Variants in EHBP1 observed in about 807,000 individuals in gnomAD.
EHBP1 encodes EH domain-binding protein 1.
EHBP1 carries 55 observed loss-of-function variants against 144.0 expected under a neutral mutation model. The ratio of observed to expected loss-of-function variants is 0.38; its 90% CI spans 0.31 to 0.48. EHBP1 has a LOEUF of 0.48. EHBP1 is among the 20% of genes least tolerant of loss of function. The pLI, the probability that EHBP1 is intolerant of heterozygous loss-of-function variation, is 0.98. For synonymous variants in EHBP1, 469 were observed against 472.7 expected, an observed-to-expected ratio of 0.99 and a Z score of 0.10; for missense variants, 1,200 against 1,364.2, an observed-to-expected ratio of 0.88 and a Z score of 1.90.
At chr2:62,726,714 A>G (rs2036827751) in intron 2 of EHBP1, 1 of 152,210 alleles carries the variant, frequency 6.6e-6, no homozygotes, top group Non-Finnish European at 1.5e-5. Flanking sequence ...ACTGTGAACA[A>G]TCGATTGAGA....
Position 62,990,708 on chromosome 2 carries a change from T to A in EHBP1, c.2609-8T>A. On this transcript the variant is annotated splice_polypyrimidine_tract_variant and splice_region_variant and intron_variant, in intron 15 of 22. Transcript: ENST00000431489. ...CTCAGTTATTCATGGTATTTGCATA[T>A]TTAACAGAACAAAACAGTAAGTTGG... 6.2e-7 allele frequency: 1 copy of A among 1,613,366 alleles called. No homozygotes were observed. The highest frequency in any genetic ancestry group is 1.1e-5 in the South Asian group (1 of 91,010).
At chr2:62,919,673 G>A (rs1043873938) in intron 10 of EHBP1, among the ~76,000 whole-genome samples, 1 of 151,968 alleles carries the variant, frequency 6.6e-6, no homozygotes, top group African/African-American at 2.4e-5. Flanking sequence ...AAACCAAGAG[G>A]AACTGTACCT....
intron 5 of EHBP1, among the ~76,000 whole-genome samples, chr2:62,823,680 C>T (rs186206609): frequency 6.6e-6 from 1 of 152,134 alleles, no homozygotes; most frequent in East Asian, 1.9e-4. Context: ...CCCATATTTT[C>T]CCTCATTACT....
chr2:62,906,008 TAAAA>T (rs57935133), intron 10 of EHBP1, among the ~76,000 whole-genome samples: 2 of 151,538 alleles, frequency 1.3e-5, no homozygotes, highest in African/African-American at 4.8e-5. Flanking sequence ...ACGTTGTATA[TAAAA>T]AAAAACTTTC....
intron 10 of EHBP1, among the ~76,000 whole-genome samples, chr2:62,879,290 G>C (rs2051162002): frequency 6.6e-6 from 1 of 152,048 alleles, no homozygotes; most frequent in Non-Finnish European, 1.5e-5. Context: ...GTCCTAGCCA[G>C]AGCATTCACA....
chr2:63,029,676 A>G (rs541356481), intron 19 of EHBP1, among the ~76,000 whole-genome samples: 1 of 152,246 alleles, frequency 6.6e-6, no homozygotes, highest in East Asian at 1.9e-4. Flanking sequence ...GAGAGTTTCA[A>G]TAATTAGTCT....
chr2:62,937,574 C>G (rs2056462951), intron 10 of EHBP1, among the ~76,000 whole-genome samples: 1 of 152,120 alleles, frequency 6.6e-6, no homozygotes, highest in Non-Finnish European at 1.5e-5. Flanking sequence ...AAAGGGCTTC[C>G]TACTGAATGG....
At chr2:62,859,072 A>G in intron 7 of EHBP1, 97 bp from the exon 8 acceptor site, 3 of 1,177,718 alleles carry the variant, frequency 2.5e-6, no homozygotes, top group Non-Finnish European at 3.6e-6. Context: ...ATTTGCAGGT[A>G]TTATTCGTGT....
intron 5 of EHBP1, among the ~76,000 whole-genome samples, chr2:62,792,676 G>T (rs957511418): frequency 6.6e-6 from 1 of 151,958 alleles, no homozygotes; most frequent in African/African-American, 2.4e-5. Context: ...GTTTGAAAGG[G>T]TGTGTCTTTT....
chr2:62,944,956 G>T (rs1174643877), intron 12 of EHBP1, among the ~76,000 whole-genome samples: 1 of 152,198 alleles, frequency 6.6e-6, no homozygotes, highest in Non-Finnish European at 1.5e-5. Flanking sequence ...AGAAATCAGG[G>T]TGTCCTTGAA....
At position 62,943,798 on chromosome 2, in the gene EHBP1, T is replaced by G; in HGVS notation, c.1365-4T>G. The G allele has an allele frequency of 6.3e-7, 1 of 1,592,908 alleles. No individual in the cohort carries two copies. Among genetic ancestry groups the G allele is most frequent in the South Asian group, 1.1e-5 (1 of 88,480 alleles). ...TGTACCCACTGTGCTATTTTCTCCC[T>G]CAGTGACTACAAGTCTCTGAATCCT... On this transcript the variant is annotated splice_polypyrimidine_tract_variant and splice_region_variant and intron_variant, in intron 11 of 22. Coordinates refer to ENST00000431489, the MANE Select transcript of EHBP1 (RefSeq NM_001142616.3).
intron 5 of EHBP1, among the ~76,000 whole-genome samples, chr2:62,795,389 A>T (rs1421743744): frequency 6.6e-6 from 1 of 152,104 alleles, no homozygotes; most frequent in Non-Finnish European, 1.5e-5. Context: ...TGATTTATCA[A>T]CTTAGGCAAC....
intron 1 of EHBP1, among the ~76,000 whole-genome samples, chr2:62,679,615 C>A (rs1172165909): frequency 3.3e-5 from 5 of 152,060 alleles, no homozygotes; most frequent in Admixed American, 6.6e-5. Context: ...AAATTTCATG[C>A]CTCTTTACTA....
At chr2:62,804,006 C>T (rs536805678) in intron 5 of EHBP1, among the ~76,000 whole-genome samples, 2 of 152,288 alleles carry the variant, frequency 1.3e-5, no homozygotes, top group South Asian at 4.1e-4. Context: ...TGAGATATTA[C>T]AGTAAAAGAC....
At chr2:62,779,001 G>A (rs1037973502) in intron 5 of EHBP1, among the ~76,000 whole-genome samples, 2 of 152,066 alleles carry the variant, frequency 1.3e-5, no homozygotes, top group Non-Finnish European at 2.9e-5. Flanking sequence ...TCAGCCCCAA[G>A]CATTTCAAGA....
At chr2:62,953,198 C>G (rs991021299) in intron 13 of EHBP1, among the ~76,000 whole-genome samples, 2 of 73,264 alleles carry the variant, frequency 2.7e-5, no homozygotes, top group Non-Finnish European at 4.8e-5. Context: ...GCCTGGGCAA[C>G]AAGAGCGAAA....
At chr2:62,761,571 G>T (rs2040771358) in intron 3 of EHBP1, among the ~76,000 whole-genome samples, 1 of 152,140 alleles carries the variant, frequency 6.6e-6, no homozygotes, top group Admixed American at 6.5e-5. Context: ...CTTTCTGTGT[G>T]ATCTTGGGCA....
intron 2 of EHBP1, among the ~76,000 whole-genome samples, chr2:62,729,474 AAAATATATAT>A (rs941966836): frequency 2.5e-5 from 3 of 117,852 alleles, no homozygotes; most frequent in Non-Finnish European, 4.9e-5. Flanking sequence ...TAAATATATA[AAAATATATAT>A]AAATATATAA....
At chr2:62,693,810 A>G (rs966951250) in intron 1 of EHBP1, among the ~76,000 whole-genome samples, 1 of 152,056 alleles carries the variant, frequency 6.6e-6, no homozygotes, top group African/African-American at 2.4e-5. Flanking sequence ...CTACCATTCT[A>G]CCATCTACCT....
Sources: allele counts gnomAD v4.1 joint callset (sites outside exome capture counted in the v4.1 genomes callset), GRCh38; gene constraint gnomAD v4.1.1; transcripts MANE v1.5; gene names NCBI Gene and HGNC (gene_info 2026-07-23, HGNC 2026-07-21).